The following PAK5 variants were observed in gnomAD, a reference collection of about 807,000 sequenced individuals.
The protein encoded by PAK5 is serine/threonine-protein kinase PAK 5.
In PAK5, 16 loss-of-function variants were observed where a neutral mutation model predicts 65.9. The observed-to-expected ratio is 0.24, with a 90% CI of 0.16 to 0.37. The LOEUF (loss-of-function observed/expected upper bound fraction) is 0.37. Ranked by LOEUF, PAK5 falls within the 10% of genes least tolerant of loss-of-function variation. PAK5 has a pLI of 1.00. For synonymous variants in PAK5, 371 were observed against 354.9 expected (o/e 1.05, Z -0.51); for missense variants, 785 against 903.9 (o/e 0.87, Z 1.69).
At chr20:9,620,576 T>C (rs1237707559) in intron 3 of PAK5, among the ~76,000 whole-genome samples, 2 of 152,226 alleles carry the variant, frequency 1.3e-5, no homozygotes, top group African/African-American at 4.8e-5. Flanking sequence ...GGTTGCGCTC[T>C]AGCTGCTCAT....
intron 2 of PAK5, among the ~76,000 whole-genome samples, chr20:9,658,540 G>C (rs1014996329): frequency 6.6e-6 from 1 of 152,124 alleles, no homozygotes; most frequent in Non-Finnish European, 1.5e-5. Flanking sequence ...CAATGGGTGG[G>C]GAAATTAGTC....
Position 9,641,099 on chromosome 20 carries a change from G to A in PAK5, c.204+3026C>T, listed in dbSNP as rs555148410. Reference sequence around the variant, plus strand: ...GCTGATTGGTGCGTTTACAATCCCTGAGCTAGATACAAAGGTTCTCCACCT... The same window carrying A: ...GCTGATTGGTGCGTTTACAATCCCTAAGCTAGATACAAAGGTTCTCCACCT... On this transcript the variant is annotated intron_variant, in intron 3 of 9. Coordinates refer to ENST00000353224, the MANE Select transcript of PAK5 (RefSeq NM_177990.4). 2.6e-5 allele frequency among the ~76,000 whole-genome samples: 4 copies of A among 152,206 alleles called. No homozygotes were observed. In the South Asian group the frequency reaches 8.3e-4, roughly 32 times the overall value.
intron 1 of PAK5, among the ~76,000 whole-genome samples, chr20:9,795,009 C>A (rs2049090013): frequency 1.3e-5 from 2 of 152,032 alleles, no homozygotes; most frequent in Admixed American, 1.3e-4. Context: ...GCTTCCACCA[C>A]CCGGAGAGTT....
intron 2 of PAK5, among the ~76,000 whole-genome samples, chr20:9,676,740 G>C (rs2047577728): frequency 6.6e-6 from 1 of 152,126 alleles, no homozygotes. Context: ...ACACTGTCCT[G>C]GCTTTGATAT....
chr20:9,746,951 G>A lies in PAK5; in HGVS notation c.-161-35516C>T, dbSNP rs143488395. Among the ~76,000 whole-genome samples the A allele has an allele frequency of 5.4e-3, 820 of 152,106 alleles. 6 individuals carry two copies. Among genetic ancestry groups the A allele is most frequent in the Middle Eastern group, 0.027 (8 of 294 alleles). ...ATAGACCACTAGCAAGATTAACAAA[G>A]CAGAAAAGAGAGAAGAATCAAATAG... On this transcript the variant is annotated intron_variant, in intron 1 of 9. Transcript: ENST00000353224.
intron 2 of PAK5, among the ~76,000 whole-genome samples, chr20:9,655,843 C>T (rs992712490): frequency 2.6e-5 from 4 of 152,088 alleles, no homozygotes; most frequent in East Asian, 1.9e-4. Context: ...TGGTTTCTTC[C>T]GAGACTTCTC....
chr20:9,552,528 A>G (rs2045444281), intron 7 of PAK5, among the ~76,000 whole-genome samples: 1 of 152,106 alleles, frequency 6.6e-6, no homozygotes, highest in East Asian at 1.9e-4. Context: ...CCCAAACACC[A>G]CATTCTCCCT....
At chr20:9,667,251 T>C (rs2423397) in intron 2 of PAK5, among the ~76,000 whole-genome samples, 7,375 of 152,216 alleles carry the variant, frequency 0.048, 212 homozygotes, top group South Asian at 0.084. Context: ...CACTCCAGCC[T>C]GGGTGACAAG....
chr20:9,545,008 A>C (rs1208221544), intron 7 of PAK5, among the ~76,000 whole-genome samples: 1 of 152,210 alleles, frequency 6.6e-6, no homozygotes, highest in Admixed American at 6.5e-5. Flanking sequence ...GCCTTTGCTT[A>C]TCCAGGATGT....
intron 2 of PAK5, among the ~76,000 whole-genome samples, chr20:9,667,184 G>C (rs1260785896): frequency 1.3e-5 from 2 of 152,154 alleles, no homozygotes; most frequent in Non-Finnish European, 2.9e-5. Flanking sequence ...GGCTGAGGCA[G>C]GAGAATCTCT....
At chr20:9,769,851 G>C (rs893823233) in intron 1 of PAK5, among the ~76,000 whole-genome samples, 2 of 152,208 alleles carry the variant, frequency 1.3e-5, no homozygotes, top group African/African-American at 4.8e-5. Flanking sequence ...GCATTGAAAT[G>C]AAATATTTAT....
At chr20:9,581,984 C>A (rs969023933) in intron 3 of PAK5, among the ~76,000 whole-genome samples, 1 of 152,178 alleles carries the variant, frequency 6.6e-6, no homozygotes, top group Admixed American at 6.5e-5. Context: ...TTTTATAGAT[C>A]TATCCATGGT....
At chr20:9,669,318 T>G (rs1181039272) in intron 2 of PAK5, among the ~76,000 whole-genome samples, 2 of 152,176 alleles carry the variant, frequency 1.3e-5, no homozygotes, top group Non-Finnish European at 2.9e-5. Flanking sequence ...TATATACACA[T>G]GACAGTGTTA....
At chr20:9,704,884 TGAGAG>T (rs1004815301) in intron 2 of PAK5, among the ~76,000 whole-genome samples, 3 of 152,156 alleles carry the variant, frequency 2.0e-5, no homozygotes, top group African/African-American at 7.2e-5. Flanking sequence ...GTATAGGCCT[TGAGAG>T]AGAGAGATCG....
intron 1 of PAK5, among the ~76,000 whole-genome samples, chr20:9,811,319 G>A (rs373506925): frequency 3.0e-4 from 45 of 152,170 alleles, no homozygotes; most frequent in African/African-American, 1.1e-3. Context: ...ACTCCTAAAT[G>A]CTACTAAAAC....
intron 1 of PAK5, among the ~76,000 whole-genome samples, chr20:9,724,852 T>C (rs968485458): frequency 1.8e-4 from 27 of 152,064 alleles, no homozygotes; most frequent in African/African-American, 5.6e-4. Flanking sequence ...AGCATAATTA[T>C]AGTAAAAAAA....
At chr20:9,820,576 G>A (rs1349507181) in intron 1 of PAK5, among the ~76,000 whole-genome samples, 2 of 152,180 alleles carry the variant, frequency 1.3e-5, no homozygotes, top group Non-Finnish European at 1.5e-5. Context: ...GCAACTGTAC[G>A]TGGAAGGTGC....
chr20:9,766,237 G>GA (rs972241658), intron 1 of PAK5, among the ~76,000 whole-genome samples: 1 of 48,046 alleles, frequency 2.1e-5, no homozygotes, highest in South Asian at 6.9e-4. Context: ...GAAAAAAAAA[G>GA]AAAAAAATAT....
intron 1 of PAK5, among the ~76,000 whole-genome samples, chr20:9,831,221 G>T (rs1435359142): frequency 1.3e-5 from 2 of 152,214 alleles, no homozygotes; most frequent in Non-Finnish European, 2.9e-5. Flanking sequence ...GTGTGTGTGT[G>T]CGCGCGTGCG....
Sources: gnomAD v4.1 joint callset for allele counts (sites outside exome capture counted in the v4.1 genomes callset) on GRCh38, gnomAD v4.1.1 for gene constraint, MANE v1.5 for transcripts, NCBI Gene and HGNC (gene_info 2026-07-23, HGNC 2026-07-21) for gene names.